The following CLK2 variants were observed in gnomAD, a reference collection of about 807,000 sequenced individuals.
CLK2 encodes the protein dual specificity protein kinase CLK2.
Under a neutral mutation model 73.5 loss-of-function variants are expected in CLK2, and 12 were observed. The ratio of observed to expected loss-of-function variants is 0.16; its 90% CI spans 0.10 to 0.26. CLK2 has a LOEUF of 0.26. CLK2 is among the 10% of genes least tolerant of loss of function. CLK2 has a pLI of 1.00. For missense variants in CLK2, 509 were observed against 688.4 expected (o/e 0.74, Z 2.92); for synonymous variants, 232 against 237.9 (o/e 0.98, Z 0.23).
In CLK2 at chr1:155,272,923, A is replaced by T. The variant is rs1251089524; in HGVS notation, c.-1+278T>A. ...TCCAGCTTTGATTGGACCCGAGTCC[A>T]ACTTTGATATTCCACTCCTTCACAT... On this transcript the variant is annotated intron_variant, in intron 1 of 12. Transcript: ENST00000368361. Among the ~76,000 whole-genome samples, 3 of 152,138 alleles carry T rather than the reference A, an allele frequency of 2.0e-5. No homozygotes were observed. The East Asian group carries it at 5.8e-4, about 29-fold the overall frequency.
intron 1 of CLK2, among the ~76,000 whole-genome samples, chr1:155,271,270 G>T (rs756473904): frequency 2.0e-5 from 3 of 152,156 alleles, no homozygotes; most frequent in Non-Finnish European, 4.4e-5. Context: ...TGTGTGGCCA[G>T]GCTGGAGTGC....
At position 155,264,241 on chromosome 1, in the gene CLK2, G is replaced by A. The variant is rs763925546; in HGVS notation, c.1206C>T (p.Ser402=). ...TTCACCTTGTCTTTCGGATCATCCG[G>A]GAAGGGATAGGACCCAAGATCCTTT... ...MMERILGPIP[S]RMIRKTRKQK... Residue 402 remains serine, a synonymous_variant, in exon 11 of 13, where the codon TCC becomes TCT. Coordinates refer to ENST00000368361, the MANE Select transcript of CLK2 (RefSeq NM_001294338.2). The A allele has an allele frequency of 6.2e-7, 1 of 1,614,194 alleles. No homozygotes were observed. Among genetic ancestry groups the A allele is most frequent in the Non-Finnish European group, 8.5e-7 (1 of 1,180,038 alleles).
Position 155,268,466 on chromosome 1 carries a change from G to A in CLK2, c.488-107C>T. ...GCAACCTGGGGTGGAGATGAAGGAA[G>A]GGGAACAGATACAGATGGTCACAGG... is the stretch of plus-strand genomic sequence containing the variant. On this transcript the variant is annotated intron_variant, in intron 4 of 12. Coordinates refer to ENST00000368361, the MANE Select transcript of CLK2 (RefSeq NM_001294338.2). The surrounding 1 kb of genome is among the most constrained non-coding windows in gnomAD (Gnocchi z 5.6). 3 of 910,396 alleles carry A rather than the reference G, an allele frequency of 3.3e-6. No individual in the cohort carries two copies. Among genetic ancestry groups the A allele is most frequent in the Non-Finnish European group, 5.4e-6 (3 of 556,012 alleles). 56.4% of individuals were successfully genotyped at this position (910,396 alleles called of 1,614,324 possible). A position where few individuals can be genotyped will look rare whatever the true frequency, so the allele number is the denominator to read the frequency against.
chr1:155,263,310 A>C lies in CLK2; in HGVS notation c.1408T>G (p.Leu470Val), dbSNP rs1673067807. Residue 470 changes from leucine to valine, a missense_variant, in exon 13 of 13, where the codon TTG becomes GTG. This residue lies in a region of CLK2 where 134 missense variants were observed against 146.0 expected (regional missense o/e 0.92). Coordinates refer to ENST00000368361, the MANE Select transcript of CLK2 (RefSeq NM_001294338.2). ...LEYEPAKRLT[L>V]GEALQHPFFA... ...AAAGGATGCTGAAGGGCTTCACCCA[A>C]GGTCAGCCGCTTAGCTGGTTCATAC... 7 of 1,614,206 alleles carry C rather than the reference A, an allele frequency of 4.3e-6. No homozygotes were observed. Among genetic ancestry groups the C allele is most frequent in the Non-Finnish European group, 5.9e-6 (7 of 1,180,046 alleles).
chr1:155,269,475 G>T lies in CLK2; in HGVS notation c.399+13C>A. 1 of 1,611,482 alleles carries T rather than the reference G, an allele frequency of 6.2e-7. No individual in the cohort carries two copies. The highest frequency in any genetic ancestry group is 8.5e-7 in the Non-Finnish European group (1 of 1,178,392). On this transcript the variant is annotated intron_variant, in intron 3 of 12. Transcript: ENST00000368361. ...GAAGAGTGGGGAGAGGAAGGGCCTG[G>T]GCTGGCACTCACCGAAGATGAGCGG...
chr1:155,264,903 A>T, intron 8 of CLK2, 129 bp from the exon 9 acceptor site: 1 of 1,146,100 alleles, frequency 8.7e-7, no homozygotes, highest in African/African-American at 1.5e-5. Flanking sequence ...GCCCTGGGAA[A>T]TTCCTGTTTT....
At chr1:155,267,479 G>T (rs1673284502) in intron 6 of CLK2, among the ~76,000 whole-genome samples, 1 of 152,144 alleles carries the variant, frequency 6.6e-6, no homozygotes, top group African/African-American at 2.4e-5. Flanking sequence ...AAACAGTATA[G>T]ATCCTGAATC....
Position 155,262,892 on chromosome 1 carries a change from T to G in CLK2, c.*326A>C, listed in dbSNP as rs1673035008. On this transcript the variant is annotated 3_prime_UTR_variant, in exon 13 of 13. Coordinates refer to ENST00000368361, the MANE Select transcript of CLK2 (RefSeq NM_001294338.2). ...ATGGGGGTCAAATGAAGCACGTTAT[T>G]TTATTTCACAAAGACTGTACAAAAT... 3.9e-6 allele frequency: 1 copy of G among 259,588 alleles called. No individual in the cohort carries two copies. Among genetic ancestry groups the G allele is most frequent in the Non-Finnish European group, 7.3e-6 (1 of 137,640 alleles). The allele number at this position is 259,588 out of a possible 1,614,324, so 16.1% of individuals were successfully genotyped here.
intron 1 of CLK2, among the ~76,000 whole-genome samples, chr1:155,271,605 A>G (rs549038802): frequency 6.6e-6 from 1 of 152,356 alleles, no homozygotes; most frequent in Admixed American, 6.5e-5. Flanking sequence ...ACTACAGAGC[A>G]AAGTGTATGA....
chr1:155,264,544 C>G lies in CLK2; in HGVS notation c.1070G>C (p.Gly357Ala). The change falls in exon 10 of 13, where the codon GGC (glycine) becomes GCC (alanine). Residue 357 changes from glycine (G) to alanine (A), a missense_variant. By Grantham distance (60) the Gly-to-Ala change is moderately conservative. Transcript: ENST00000368361. ...YRAPEVILELGWSQPCDVWSI... is the reference protein window; with the variant it reads ...YRAPEVILELAWSQPCDVWSI... The stretch of plus-strand genomic sequence containing the variant: ...CCACACATCACAAGGCTGTGACCAG[C>G]CCAACTCTGGGTGAGAATGGGAGGG... The G allele has an allele frequency of 1.2e-6, 2 of 1,614,224 alleles. No homozygotes were observed. Among genetic ancestry groups the G allele is most frequent in the Non-Finnish European group, 1.7e-6 (2 of 1,180,042 alleles).
At chr1:155,264,995 C>T (rs1673158763) in intron 8 of CLK2, among the ~76,000 whole-genome samples, 1 of 152,120 alleles carries the variant, frequency 6.6e-6, no homozygotes, top group African/African-American at 2.4e-5. Context: ...ACAGCGTGCA[C>T]ATCTGTAAGC....
chr1:155,271,100 C>G (rs1673482225), intron 1 of CLK2, 123 bp from the exon 2 acceptor site: 2 of 962,664 alleles, frequency 2.1e-6, no homozygotes, highest in African/African-American at 1.6e-5. Context: ...TTTTACCAGG[C>G]ACAACTTCCT....
At chr1:155,266,165 T>TAAA (rs11389873) in intron 7 of CLK2, among the ~76,000 whole-genome samples, 1 of 149,290 alleles carries the variant, frequency 6.7e-6, no homozygotes, top group Non-Finnish European at 1.5e-5. Flanking sequence ...TCAACTGATG[T>TAAA]AAAAAAAAAA....
intron 1 of CLK2, 29 bp from the exon 2 acceptor site, chr1:155,271,006 A>T (rs772616211): frequency 2.5e-6 from 4 of 1,596,744 alleles, no homozygotes; most frequent in Non-Finnish European, 2.6e-6. Flanking sequence ...CGGAAATAGG[A>T]AAGTTTCGAG....
chr1:155,268,597 TA>T lies in CLK2; in HGVS notation c.487+110del. On this transcript the variant is annotated intron_variant, in intron 4 of 12. Coordinates refer to ENST00000368361, the MANE Select transcript of CLK2 (RefSeq NM_001294338.2). This position sits in a 1 kb window ranked among gnomAD's most constrained non-coding sequence, Gnocchi z 5.6. ...TCAACAGCAACTCAAACCACCCAGA[TA>T]AACAACACCACTGAGAAAAGGCAAG... 2 of 1,062,684 alleles carry T rather than the reference TA, an allele frequency of 1.9e-6. No individual in the cohort carries two copies. The highest frequency in any genetic ancestry group is 1.3e-5 in the South Asian group (1 of 76,574). The allele number at this position is 1,062,684 out of a possible 1,614,324, so 65.8% of individuals were successfully genotyped here.
Position 155,269,808 on chromosome 1 carries a change from G to C in CLK2, c.171-92C>G, listed in dbSNP as rs925539305. 4 of 1,181,216 alleles carry C rather than the reference G, an allele frequency of 3.4e-6. No homozygotes were observed. In the Admixed American group the frequency reaches 5.3e-5, roughly 16 times the overall value. The allele number at this position is 1,181,216 out of a possible 1,614,324, so 73.2% of individuals were successfully genotyped here. A position where few individuals can be genotyped will look rare whatever the true frequency, so the allele number is the denominator to read the frequency against. On this transcript the variant is annotated intron_variant, in intron 2 of 12. Coordinates refer to ENST00000368361, the MANE Select transcript of CLK2 (RefSeq NM_001294338.2). ...AAGGTCCTGCCTTAGTGAGGACAAA[G>C]AGTAATGCTAGAAAACTGTTCTCAG...
chr1:155,267,841 G>A (rs2148138825), intron 6 of CLK2, among the ~76,000 whole-genome samples, 169 bp downstream of exon 6: 1 of 151,638 alleles, frequency 6.6e-6, no homozygotes, highest in African/African-American at 2.4e-5. Context: ...GAATGTCATG[G>A]GCCCCCCCCC....
Position 155,266,908 on chromosome 1 carries a change from A to T in CLK2, c.672-13T>A. The T allele has an allele frequency of 6.2e-7, 1 of 1,612,380 alleles. No individual in the cohort carries two copies. The highest frequency in any genetic ancestry group is 8.5e-7 in the Non-Finnish European group (1 of 1,179,354). ...CTGGACACAGAGGCTGAGAAGAGAG[A>T]TGGGGGAAGGGGGGTTGTCTGATGA... On this transcript the variant is annotated splice_polypyrimidine_tract_variant and intron_variant, in intron 6 of 12. Coordinates refer to ENST00000368361, the MANE Select transcript of CLK2 (RefSeq NM_001294338.2).
In CLK2 at chr1:155,263,210, C is replaced by A. The variant is rs1252274628; in HGVS notation, c.*8G>T. On this transcript the variant is annotated 3_prime_UTR_variant, in exon 13 of 13. Transcript: ENST00000368361. ...ATAAAAGATGCAGGGGGGCCCAGGGCCTGATCGTCACCGACTGATATCCCG... is the reference window on the plus strand; with the variant it reads ...ATAAAAGATGCAGGGGGGCCCAGGGACTGATCGTCACCGACTGATATCCCG... 14 of 1,610,184 alleles carry A rather than the reference C, an allele frequency of 8.7e-6. 1 individual carries two copies. In the African/African-American group the frequency reaches 1.5e-4, roughly 17 times the overall value.
Sources: gnomAD v4.1 joint callset for allele counts (sites outside exome capture counted in the v4.1 genomes callset) on GRCh38, gnomAD v4.1.1 for gene constraint, gnomAD v4.1.1 regional missense constraint, Gnocchi (gnomAD v3.1) non-coding constraint, MANE v1.5 for transcripts, NCBI Gene and HGNC (gene_info 2026-07-23, HGNC 2026-07-21) for gene names.